Variants in DACH2 observed in about 807,000 individuals in gnomAD.
DACH2 encodes dachshund homolog 2.
A neutral mutation model predicts 35.8 loss-of-function variants in DACH2; 17 were observed. The ratio of observed to expected loss-of-function variants is 0.48; its 90% confidence interval spans 0.33 to 0.71. The LOEUF (loss-of-function observed/expected upper bound fraction) is 0.71. Ranked by LOEUF, DACH2 falls within the 30% of genes least tolerant of loss-of-function variation. The pLI is 0.02. For missense variants in DACH2, 469 were observed against 472.7 expected (o/e 0.99, Z 0.07); for synonymous variants, 195 against 177.3 (o/e 1.10, Z -0.79).
At chrX:86,578,219 C>A (rs2148337858) in intron 3 of DACH2, among the ~76,000 whole-genome samples, 1 of 111,100 alleles carries the variant, frequency 9.0e-6, no homozygotes, top group South Asian at 3.8e-4. Context: ...CAGCTGGTGT[C>A]ACTGCAGAAT....
intron 1 of DACH2, among the ~76,000 whole-genome samples, chrX:86,186,281 G>A (rs1444641905): frequency 8.9e-6 from 1 of 112,689 alleles, no homozygotes; most frequent in East Asian, 2.8e-4. Flanking sequence ...ATAAACGTTT[G>A]CATTTCAGGG....
At chrX:86,544,061 A>C (rs1481444840) in intron 3 of DACH2, among the ~76,000 whole-genome samples, 2 of 111,712 alleles carry the variant, frequency 1.8e-5, no homozygotes, top group African/African-American at 6.5e-5. Flanking sequence ...GAGCTCAAAG[A>C]ATGATTCTCT....
chrX:86,255,519 C>G (rs930231041), intron 1 of DACH2, among the ~76,000 whole-genome samples: 1 of 111,634 alleles, frequency 9.0e-6, no homozygotes, highest in Non-Finnish European at 1.9e-5. Flanking sequence ...CCAACTTGCT[C>G]TTACATATAA....
chrX:86,417,410 T>C (rs1416553442), intron 2 of DACH2, among the ~76,000 whole-genome samples: 1 of 112,135 alleles, frequency 8.9e-6, no homozygotes, highest in African/African-American at 3.2e-5. Flanking sequence ...AAGAGATTTA[T>C]TAGACTTACA....
chrX:86,743,855 G>A (rs1009880931), intron 7 of DACH2, among the ~76,000 whole-genome samples: 1 of 111,153 alleles, frequency 9.0e-6, no homozygotes, highest in African/African-American at 3.3e-5. Context: ...GGTAATGAAA[G>A]TCTAGTTATA....
chrX:86,615,729 C>T (rs1328452010), intron 3 of DACH2, among the ~76,000 whole-genome samples: 3 of 110,532 alleles, frequency 2.7e-5, no homozygotes, highest in Admixed American at 9.7e-5. Flanking sequence ...CCACATGGAC[C>T]TTATAGAGTG....
intron 3 of DACH2, among the ~76,000 whole-genome samples, chrX:86,587,112 T>G (rs2039582764): frequency 8.9e-6 from 1 of 111,798 alleles, no homozygotes; most frequent in Non-Finnish European, 1.9e-5. Context: ...GTAATTCTCA[T>G]TGTAGAGATC....
chrX:86,490,951 G>A (rs2038085124), intron 2 of DACH2, among the ~76,000 whole-genome samples: 1 of 111,140 alleles, frequency 9.0e-6, no homozygotes, highest in African/African-American at 3.3e-5. Flanking sequence ...TCTTGTACAA[G>A]TAGGCAGCTC....
At chrX:86,182,353 A>G (rs1012530762) in intron 1 of DACH2, among the ~76,000 whole-genome samples, 3 of 111,502 alleles carry the variant, frequency 2.7e-5, no homozygotes, top group Non-Finnish European at 5.7e-5. Context: ...ATCTTGAGTT[A>G]ATTTTTGTAT....
intron 2 of DACH2, among the ~76,000 whole-genome samples, chrX:86,420,635 C>T (rs1439904012): frequency 9.0e-6 from 1 of 111,234 alleles, no homozygotes; most frequent in African/African-American, 3.3e-5. Context: ...AAAATTGACC[C>T]TCTGTGTAAC....
chrX:86,335,637 G>C (rs762184279), intron 1 of DACH2, among the ~76,000 whole-genome samples: 1 of 112,065 alleles, frequency 8.9e-6, no homozygotes, highest in South Asian at 3.7e-4. Flanking sequence ...ATCAGCTTAA[G>C]GAGATTTTGG....
chrX:86,711,464 G>A (rs2041279166), intron 5 of DACH2, among the ~76,000 whole-genome samples: 1 of 112,165 alleles, frequency 8.9e-6, no homozygotes, highest in Non-Finnish European at 1.9e-5. Flanking sequence ...TGTCCGCGAA[G>A]TCAATAGGAA....
chrX:86,241,603 G>A (rs60758880), intron 1 of DACH2, among the ~76,000 whole-genome samples: 1,570 of 112,351 alleles, frequency 0.014, 24 homozygotes, highest in African/African-American at 0.049. Flanking sequence ...AGAAATTCAA[G>A]CGGGCTGCAG....
intron 1 of DACH2, among the ~76,000 whole-genome samples, chrX:86,288,567 T>C (rs2034201946): frequency 8.9e-6 from 1 of 112,137 alleles, no homozygotes. Flanking sequence ...GTGTATTCTA[T>C]TGTACTGTGG....
intron 1 of DACH2, among the ~76,000 whole-genome samples, chrX:86,362,955 A>G (rs898546197): frequency 2.7e-5 from 3 of 111,079 alleles, no homozygotes; most frequent in African/African-American, 9.8e-5. Flanking sequence ...GTAAAGTGGC[A>G]TAGGCTTGAA....
intron 2 of DACH2, among the ~76,000 whole-genome samples, chrX:86,380,925 A>C (rs1487462884): frequency 7.3e-5 from 8 of 110,210 alleles, no homozygotes; most frequent in Admixed American, 9.7e-5. Context: ...GATATATGTA[A>C]ATCTAGTTCA....
intron 3 of DACH2, among the ~76,000 whole-genome samples, chrX:86,556,795 T>TATAGAGAGAG (rs1232719385): frequency 5.1e-4 from 13 of 25,294 alleles, no homozygotes; most frequent in East Asian, 1.7e-3. Flanking sequence ...TATATATATA[T>TATAGAGAGAG]AGAGAGAGAG....
intron 2 of DACH2, among the ~76,000 whole-genome samples, chrX:86,428,639 C>T (rs2036932723): frequency 9.0e-6 from 1 of 111,303 alleles, no homozygotes; most frequent in Non-Finnish European, 1.9e-5. Context: ...TACCATTTTC[C>T]TCTTTAGTTA....
chrX:86,526,481 A>AATG lies in DACH2; in HGVS notation c.640+12091_640+12093dup, dbSNP rs770599178. Among the ~76,000 whole-genome samples the AATG allele has an allele frequency of 8.6e-4, 96 of 111,644 alleles. 1 individual carries two copies. The highest frequency in any genetic ancestry group is 2.2e-3 in the South Asian group (6 of 2,667). ...GTGACTTGTTTGCTCCCTTTCTGGC[A>AATG]ATGTCTAAAATCTAGATCATGTTTT... On this transcript the variant is annotated intron_variant, in intron 3 of 11. Transcript: ENST00000373125.
Sources: allele counts gnomAD v4.1 joint callset (sites outside exome capture counted in the v4.1 genomes callset), GRCh38; gene constraint gnomAD v4.1.1; transcripts MANE v1.5; gene names NCBI Gene and HGNC (gene_info 2026-07-23, HGNC 2026-07-21).